NTM: variants seen among roughly 807,000 people sequenced by gnomAD.
The protein encoded by NTM is IgLON family member 2.
Under a neutral mutation model 42.1 loss-of-function variants are expected in NTM, and 13 were observed. The observed-to-expected ratio is 0.31, with a 90% CI of 0.20 to 0.49. NTM has a LOEUF of 0.49. Among genes scored for constraint, NTM ranks in the 20% least tolerant of loss-of-function variants. The pLI is 0.99. For missense variants in NTM, 373 were observed against 452.8 expected (o/e 0.82, Z 1.60); for synonymous variants, 187 against 179.2 (o/e 1.04, Z -0.35).
chr11:131,790,531 G>A lies in NTM; in HGVS notation c.83-121033G>A, dbSNP rs191228617. Among the ~76,000 whole-genome samples the A allele has an allele frequency of 1.9e-4, 29 of 152,290 alleles. No individual in the cohort carries two copies. In the East Asian group the frequency reaches 5.2e-3, roughly 27 times the overall value. On this transcript the variant is annotated intron_variant, in intron 1 of 8. Coordinates refer to ENST00000683400, the MANE Select transcript of NTM (RefSeq NM_001352005.2). ...ACCCTCATGGCCTCAGAGGCAAGAAGGATGCATCCCATGTATTCAGCCCCT... is the reference window on the plus strand; with the variant it reads ...ACCCTCATGGCCTCAGAGGCAAGAAAGATGCATCCCATGTATTCAGCCCCT...
chr11:131,618,943 T>C (rs1592246955), intron 1 of NTM, among the ~76,000 whole-genome samples: 1 of 152,188 alleles, frequency 6.6e-6, no homozygotes, highest in African/African-American at 2.4e-5. Flanking sequence ...TGGCATGTTT[T>C]CAGAGCATAT....
chr11:131,457,705 C>T (rs1307757703), intron 1 of NTM, among the ~76,000 whole-genome samples: 1 of 150,890 alleles, frequency 6.6e-6, no homozygotes, highest in African/African-American at 2.5e-5. Flanking sequence ...GTGCAATGCA[C>T]TAAATGTTTT....
intron 4 of NTM, among the ~76,000 whole-genome samples, chr11:132,278,743 TTCTC>T (rs66748602): frequency 0.016 from 2,219 of 137,998 alleles, 35 homozygotes; most frequent in Admixed American, 0.044. Context: ...TCATTTGGGC[TTCTC>T]TCTCTCTCTC....
At chr11:131,870,282 T>C (rs1002628910) in intron 1 of NTM, among the ~76,000 whole-genome samples, 1 of 152,240 alleles carries the variant, frequency 6.6e-6, no homozygotes, top group African/African-American at 2.4e-5. Context: ...GGAAAGCTAC[T>C]TTAATTTTCA....
chr11:131,666,831 G>T (rs572911193), intron 1 of NTM, among the ~76,000 whole-genome samples: 462 of 152,332 alleles, frequency 3.0e-3, no homozygotes, highest in African/African-American at 0.011. Context: ...TACCAGGGAG[G>T]GGGGCATTCT....
At chr11:131,795,693 C>T (rs527746483) in intron 1 of NTM, 49 of 985,286 alleles carry the variant, frequency 5.0e-5, no homozygotes, top group South Asian at 2.3e-4. Flanking sequence ...CAGATATTTA[C>T]GGCATTTTCT....
At chr11:132,014,678 G>A (rs1024294352) in intron 2 of NTM, among the ~76,000 whole-genome samples, 1 of 141,612 alleles carries the variant, frequency 7.1e-6, no homozygotes, top group Non-Finnish European at 1.5e-5. Flanking sequence ...TCATTTGGAT[G>A]TGTTCTTTTG....
At position 132,186,664 on chromosome 11, in the gene NTM, A is replaced by T. The variant is rs371256074; in HGVS notation, c.401-25358A>T. ...TTCCTCCTATTTTTTTTCTTTAACG[A>T]TATGTAAATACTTTCATGGAGGTTG... is the stretch of plus-strand genomic sequence containing the variant. On this transcript the variant is annotated intron_variant, in intron 3 of 8. Transcript: ENST00000683400. Among the ~76,000 whole-genome samples the T allele has an allele frequency of 4.0e-4, 61 of 152,248 alleles. 3 individuals are homozygous for T. Among genetic ancestry groups the T allele is most frequent in the African/African-American group, 1.4e-3 (58 of 41,544 alleles).
chr11:131,736,660 C>G (rs999630901), intron 1 of NTM, among the ~76,000 whole-genome samples: 2 of 152,130 alleles, frequency 1.3e-5, no homozygotes, highest in Non-Finnish European at 2.9e-5. Flanking sequence ...CACTCCTTGG[C>G]AAGGCAGCCA....
In NTM at chr11:131,406,825, G is replaced by A. The variant is rs143512717; in HGVS notation, c.82+35937G>A. ...ATATCACTCTGAGAAGTGGATAAAA[G>A]CTCTTTCCCTCCTCCCAGAGTGCAC... On this transcript the variant is annotated intron_variant, in intron 1 of 8. Coordinates refer to ENST00000683400, the MANE Select transcript of NTM (RefSeq NM_001352005.2). Among the ~76,000 whole-genome samples the A allele has an allele frequency of 4.5e-3, 679 of 152,142 alleles. 6 individuals are homozygous for A. The highest frequency in any genetic ancestry group is 0.016 in the African/African-American group (645 of 41,524).
chr11:131,765,166 C>T (rs2084907863), intron 1 of NTM, among the ~76,000 whole-genome samples: 1 of 152,176 alleles, frequency 6.6e-6, no homozygotes, highest in Admixed American at 6.5e-5. Flanking sequence ...CTCCTGGTGC[C>T]CATACCAATC....
chr11:131,608,966 G>A (rs1442781824), intron 1 of NTM, among the ~76,000 whole-genome samples: 2 of 152,210 alleles, frequency 1.3e-5, no homozygotes, highest in Admixed American at 1.3e-4. Context: ...GCAAATAGTA[G>A]TTAAAATAAT....
chr11:131,980,873 C>G (rs1593367948), intron 2 of NTM, among the ~76,000 whole-genome samples: 1 of 152,254 alleles, frequency 6.6e-6, no homozygotes, highest in South Asian at 2.1e-4. Context: ...TTGTGAGTAG[C>G]CCCTGCCTGG....
intron 1 of NTM, among the ~76,000 whole-genome samples, chr11:131,453,950 G>A (rs533055742): frequency 1.1e-4 from 17 of 152,292 alleles, no homozygotes; most frequent in Admixed American, 5.9e-4. Flanking sequence ...CCTGTCTCCC[G>A]TGCAACCTTC....
chr11:132,072,404 T>C (rs530842089), intron 2 of NTM, among the ~76,000 whole-genome samples: 3 of 152,300 alleles, frequency 2.0e-5, no homozygotes, highest in Non-Finnish European at 2.9e-5. Flanking sequence ...CAATAAGGGT[T>C]CTCAAACACA....
chr11:131,963,869 C>T (rs898019649), intron 2 of NTM, among the ~76,000 whole-genome samples: 1 of 152,168 alleles, frequency 6.6e-6, no homozygotes, highest in Non-Finnish European at 1.5e-5. Flanking sequence ...CTATCATTCT[C>T]ATATTTATGG....
intron 1 of NTM, among the ~76,000 whole-genome samples, chr11:131,449,405 C>T (rs981939189): frequency 6.6e-6 from 1 of 152,172 alleles, no homozygotes; most frequent in African/African-American, 2.4e-5. Context: ...AGTCCAGCTT[C>T]CTCGTTGTGC....
intron 2 of NTM, among the ~76,000 whole-genome samples, chr11:131,916,381 C>CACTTG (rs1357487161): frequency 6.6e-6 from 1 of 152,212 alleles, no homozygotes; most frequent in African/African-American, 2.4e-5. Flanking sequence ...TCCTGGGGAT[C>CACTTG]ACTTGGCAGG....
intron 1 of NTM, among the ~76,000 whole-genome samples, chr11:131,636,436 T>G (rs1028088290): frequency 6.6e-6 from 1 of 152,110 alleles, no homozygotes. Context: ...GCTCTCCCTA[T>G]CCACAGGCGT....
Sources: allele counts gnomAD v4.1 joint callset (sites outside exome capture counted in the v4.1 genomes callset), GRCh38; gene constraint gnomAD v4.1.1; transcripts MANE v1.5; gene names NCBI Gene and HGNC (gene_info 2026-07-23, HGNC 2026-07-21).